HNRNPC: variants seen among roughly 807,000 people sequenced by gnomAD.
HNRNPC encodes the protein heterogeneous nuclear ribonucleoproteins C1/C2.
A neutral mutation model predicts 33.2 loss-of-function variants in HNRNPC; 3 were observed. The ratio of observed to expected loss-of-function variants is 0.09; its 90% CI spans 0.04 to 0.23. The LOEUF (loss-of-function observed/expected upper bound fraction) is 0.23, where lower values mean the gene tolerates loss of function less well. HNRNPC is among the 10% of genes least tolerant of loss of function. HNRNPC has a pLI of 1.00. For missense variants in HNRNPC, 143 were observed against 366.7 expected (o/e 0.39, Z 4.98); for synonymous variants, 121 against 126.7 (o/e 0.96, Z 0.30).
At chr14:21,218,372 T>G (rs1892434281) in intron 5 of HNRNPC, among the ~76,000 whole-genome samples, 2 of 152,164 alleles carry the variant, frequency 1.3e-5, no homozygotes, top group African/African-American at 4.8e-5. Flanking sequence ...GACAATGTGG[T>G]GCAATTTTAT....
chr14:21,225,850 G>A (rs368454192), intron 5 of HNRNPC, among the ~76,000 whole-genome samples: 11 of 152,136 alleles, frequency 7.2e-5, no homozygotes, highest in African/African-American at 2.4e-4. Context: ...AATTTCATGG[G>A]TGATCAATTA....
At chr14:21,229,027 G>A (rs970964152) in intron 5 of HNRNPC, among the ~76,000 whole-genome samples, 14 of 149,522 alleles carry the variant, frequency 9.4e-5, no homozygotes, top group African/African-American at 3.5e-4. Context: ...GTATGTTGCA[G>A]TGAGCCAAAA....
At chr14:21,223,456 A>C (rs1893067629) in intron 5 of HNRNPC, among the ~76,000 whole-genome samples, 1 of 152,082 alleles carries the variant, frequency 6.6e-6, no homozygotes, top group South Asian at 2.1e-4. Context: ...TATTTAGCAA[A>C]ATTTAAGTCC....
At chr14:21,228,295 T>G (rs531431255) in intron 5 of HNRNPC, among the ~76,000 whole-genome samples, 1 of 152,210 alleles carries the variant, frequency 6.6e-6, no homozygotes, top group Non-Finnish European at 1.5e-5. Context: ...AAGGTCTGAT[T>G]GCAAAAATTC....
chr14:21,255,645 G>C (rs367668841), intron 2 of HNRNPC, among the ~76,000 whole-genome samples: 1 of 152,126 alleles, frequency 6.6e-6, no homozygotes, highest in Non-Finnish European at 1.5e-5. Flanking sequence ...TTAATTAGAA[G>C]GAAAATACTA....
intron 2 of HNRNPC, among the ~76,000 whole-genome samples, chr14:21,243,452 TTTC>T (rs1464217239): frequency 2.0e-5 from 3 of 152,180 alleles, no homozygotes; most frequent in Admixed American, 6.5e-5. Context: ...GTTCAAAAGT[TTTC>T]TTAAGATGCT....
intron 2 of HNRNPC, among the ~76,000 whole-genome samples, chr14:21,249,340 C>T (rs768588254): frequency 7.3e-5 from 11 of 151,170 alleles, no homozygotes; most frequent in South Asian, 2.1e-4. Context: ...TCTGGGAGGC[C>T]GAGGCAGGTG....
At chr14:21,254,103 G>A (rs1021653496) in intron 2 of HNRNPC, among the ~76,000 whole-genome samples, 2 of 122,394 alleles carry the variant, frequency 1.6e-5, no homozygotes, top group Non-Finnish European at 3.5e-5. Context: ...CCACCTCCCC[G>A]GCAAAAAAGA....
chr14:21,211,175 C>T lies in HNRNPC; in HGVS notation c.*48G>A, dbSNP rs761777866. 51 of 1,578,012 alleles carry T rather than the reference C, an allele frequency of 3.2e-5. No individual in the cohort carries two copies. The highest frequency in any genetic ancestry group is 3.0e-4 in the Admixed American group (18 of 59,308). On this transcript the variant is annotated 3_prime_UTR_variant, in exon 9 of 9. Transcript: ENST00000553300. ...TGAAAAATTTGATCTTAGACAAGCGCCTAGGTAAAGAAATAATGGGATAAG... is the reference window on the plus strand; with the variant it reads ...TGAAAAATTTGATCTTAGACAAGCGTCTAGGTAAAGAAATAATGGGATAAG...
At chr14:21,250,798 A>G (rs1422765495) in intron 2 of HNRNPC, among the ~76,000 whole-genome samples, 1 of 152,230 alleles carries the variant, frequency 6.6e-6, no homozygotes, top group Non-Finnish European at 1.5e-5. Context: ...TCCCAAGCCA[A>G]GTAATAAAAA....
At position 21,234,119 on chromosome 14, in the gene HNRNPC, A is replaced by G. The variant is rs367883394; in HGVS notation, c.75T>C (p.Thr25=). The change falls in exon 3 of 9, where the codon ACT becomes ACC. Residue 25 remains threonine (T), a synonymous_variant. Coordinates refer to ENST00000553300, the MANE Select transcript of HNRNPC (RefSeq NM_004500.4). ...NSRVFIGNLN[T]LVVKKSDVEA... ...CCACATCAGATTTCTTGACCACAAG[A>G]GTGTTGAGATTCCCAATGAATACAC... 5.6e-6 allele frequency: 9 copies of G among 1,613,930 alleles called. No individual in the cohort carries two copies. The highest frequency in any genetic ancestry group is 6.8e-6 in the Non-Finnish European group (8 of 1,179,968).
chr14:21,256,602 G>C (rs1877254214), intron 2 of HNRNPC, among the ~76,000 whole-genome samples: 2 of 152,116 alleles, frequency 1.3e-5, no homozygotes, highest in African/African-American at 4.8e-5. Context: ...ATTGGACCAA[G>C]TGTCGACAGT....
At chr14:21,249,734 C>T (rs1896417526) in intron 2 of HNRNPC, among the ~76,000 whole-genome samples, 1 of 151,928 alleles carries the variant, frequency 6.6e-6, no homozygotes. Flanking sequence ...TCAACCTTCA[C>T]ATTTCATTGT....
chr14:21,233,101 G>T (rs982813339), intron 3 of HNRNPC, among the ~76,000 whole-genome samples: 4 of 151,378 alleles, frequency 2.6e-5, no homozygotes, highest in African/African-American at 9.7e-5. Flanking sequence ...ATAACCTTCA[G>T]GTTTTGGTAC....
chr14:21,260,374 A>ATT (rs1566646927), intron 2 of HNRNPC, among the ~76,000 whole-genome samples: 1 of 151,094 alleles, frequency 6.6e-6, no homozygotes, highest in African/African-American at 2.4e-5. Context: ...TTATTTAAAA[A>ATT]AAAAAAAAAA....
intron 1 of HNRNPC, among the ~76,000 whole-genome samples, chr14:21,268,917 T>C (rs1879472130): frequency 1.3e-5 from 2 of 152,032 alleles, no homozygotes; most frequent in African/African-American, 4.8e-5. Flanking sequence ...CCCCACTTTT[T>C]ACATGTAAGA....
At chr14:21,234,539 C>T (rs1243632554) in intron 2 of HNRNPC, among the ~76,000 whole-genome samples, 1 of 152,122 alleles carries the variant, frequency 6.6e-6, no homozygotes, top group Admixed American at 6.6e-5. Context: ...TTCCAAGTGG[C>T]CCTCCTCTAA....
Position 21,252,533 on chromosome 14 carries a change from G to A in HNRNPC, c.-37+10778C>T, listed in dbSNP as rs565692946. 8.5e-5 allele frequency among the ~76,000 whole-genome samples: 13 copies of A among 152,220 alleles called. No homozygotes were observed. In the East Asian group the frequency reaches 1.9e-3, roughly 23 times the overall value. ...TCACCACATTGGCCAGGCTGGTCTC[G>A]AACTCCTGGCCTGAAGTGATGTGCC... On this transcript the variant is annotated intron_variant, in intron 2 of 8. Transcript: ENST00000553300.
intron 5 of HNRNPC, among the ~76,000 whole-genome samples, chr14:21,221,068 T>C (rs1338709634): frequency 5.3e-5 from 8 of 152,108 alleles, no homozygotes; most frequent in Non-Finnish European, 1.0e-4. Context: ...GCCTCAGCAA[T>C]AGAGCAAGAT....
Sources: allele counts gnomAD v4.1 joint callset (sites outside exome capture counted in the v4.1 genomes callset), GRCh38; gene constraint gnomAD v4.1.1; transcripts MANE v1.5; gene names NCBI Gene and HGNC (gene_info 2026-07-23, HGNC 2026-07-21).